PCYT1B: variants seen among roughly 807,000 people sequenced by gnomAD.
PCYT1B encodes phosphate cytidylyltransferase 1B, choline, also known as choline-phosphate cytidylyltransferase B.
Under a neutral mutation model 26.4 loss-of-function variants are expected in PCYT1B, and 10 were observed. The observed-to-expected ratio is 0.38, with a 90% CI of 0.23 to 0.64. The LOEUF is 0.64. Ranked by LOEUF, PCYT1B falls within the 30% of genes least tolerant of loss-of-function variation. The pLI is 0.56. For missense variants in PCYT1B, 161 were observed against 292.7 expected (o/e 0.55, Z 3.28); for synonymous variants, 131 against 108.4 (o/e 1.21, Z -1.29).
intron 7 of PCYT1B, among the ~76,000 whole-genome samples, chrX:24,564,362 G>T (rs1297429934): frequency 3.6e-5 from 3 of 83,073 alleles, no homozygotes; most frequent in Non-Finnish European, 7.5e-5. Context: ...TTGTTTTTTT[G>T]TTTTTTTGTT....
intron 1 of PCYT1B, among the ~76,000 whole-genome samples, chrX:24,634,143 T>C (rs1434044791): frequency 9.0e-6 from 1 of 111,438 alleles, no homozygotes; most frequent in Non-Finnish European, 1.9e-5. Context: ...GGTCTGGAAC[T>C]CCTAGGCTCA....
intron 1 of PCYT1B, among the ~76,000 whole-genome samples, chrX:24,629,578 A>C (rs1279248047): frequency 3.0e-5 from 3 of 100,016 alleles, no homozygotes; most frequent in East Asian, 3.0e-4. Context: ...AAAAAAAAAA[A>C]AAAAAAAAAA....
At chrX:24,616,531 G>A (rs919092078) in intron 2 of PCYT1B, among the ~76,000 whole-genome samples, 2 of 111,413 alleles carry the variant, frequency 1.8e-5, no homozygotes, top group African/African-American at 3.3e-5. Context: ...GAGCCACCAC[G>A]CCCGGTCAGC....
chrX:24,652,029 A>T (rs1021783801), upstream of PCYT1B, among the ~76,000 whole-genome samples: 1 of 111,551 alleles, frequency 9.0e-6, no homozygotes, highest in Non-Finnish European at 1.9e-5. Context: ...TAGCAGAGGC[A>T]GAGGAAACAT....
At chrX:24,615,415 C>G (rs747380340) in intron 2 of PCYT1B, among the ~76,000 whole-genome samples, 1 of 111,236 alleles carries the variant, frequency 9.0e-6, no homozygotes, top group African/African-American at 3.3e-5. Context: ...AATGCCAGAA[C>G]AAACTCTCTC....
intron 1 of PCYT1B, among the ~76,000 whole-genome samples, chrX:24,670,102 A>AAGAG (rs1927219763): frequency 1.3e-5 from 1 of 76,220 alleles, no homozygotes; most frequent in Non-Finnish European, 2.4e-5. Context: ...GAAAGAAAGA[A>AAGAG]AGAAAGAAAG....
chrX:24,579,910 C>T (rs1924152085), intron 5 of PCYT1B, among the ~76,000 whole-genome samples: 2 of 112,329 alleles, frequency 1.8e-5, no homozygotes, highest in Admixed American at 1.9e-4. Context: ...CATGGTGGCT[C>T]ATGCCTATAA....
chrX:24,665,827 G>C (rs1247720555), intron 1 of PCYT1B, among the ~76,000 whole-genome samples: 1 of 110,986 alleles, frequency 9.0e-6, no homozygotes, highest in Non-Finnish European at 1.9e-5. Context: ...AAAAATTTAT[G>C]AGGCAGGTAG....
rs1247884587 is a variant in PCYT1B, at chrX:24,593,030, C to A, written c.335-2856G>T. ...CCGGGTTCAAGCGATTCTCCTGCCT[C>A]AGCCTCCCAAGTAGACCCACCCTCT... On this transcript the variant is annotated intron_variant, in intron 3 of 7. Coordinates refer to ENST00000379144, the MANE Select transcript of PCYT1B (RefSeq NM_004845.5). Among the ~76,000 whole-genome samples, 3 of 111,792 alleles carry A rather than the reference C, an allele frequency of 2.7e-5. No individual in the cohort carries two copies. In the East Asian group the frequency reaches 8.5e-4, roughly 32 times the overall value.
chrX:24,638,657 C>T (rs1046943745), intron 1 of PCYT1B, among the ~76,000 whole-genome samples: 1 of 111,335 alleles, frequency 9.0e-6, no homozygotes, highest in African/African-American at 3.3e-5. Flanking sequence ...ATTTCCCTAA[C>T]AGTCACTGAG....
At position 24,561,509 on chromosome X, in the gene PCYT1B, C is replaced by CT. The variant is rs1219964560; in HGVS notation, c.*783dup. 1.8e-5 allele frequency: 2 copies of CT among 112,471 alleles called. No individual in the cohort carries two copies. Among genetic ancestry groups the CT allele is most frequent in the Non-Finnish European group, 3.7e-5 (2 of 53,354 alleles). 9.3% of individuals were successfully genotyped at this position (112,471 alleles called of 1,213,427 possible). ...CTGGAGGCAAAGCAAAGCAGCTCCT[C>CT]TTTTTTATATATTAGGAAGTTTTTC... On this transcript the variant is annotated 3_prime_UTR_variant, in exon 8 of 8. Transcript: ENST00000379144.
Position 24,670,088 on chromosome X carries a change from GAAA to G in PCYT1B, c.63+2479_63+2481del, listed in dbSNP as rs1389206588. Among the ~76,000 whole-genome samples, 185 of 89,189 alleles carry G rather than the reference GAAA, an allele frequency of 2.1e-3. 1 individual carries two copies. Among genetic ancestry groups the G allele is most frequent in the African/African-American group, 4.9e-3 (121 of 24,456 alleles). The allele number at this position is 89,189 out of a possible 115,157, so 77.4% of individuals were successfully genotyped here. ...AGAAAGAAAGAAAGAAAGAAAGAAA[GAAA>G]GAAAGAAAGAAAGAAAGAAAGAAAG... is the stretch of plus-strand genomic sequence containing the variant. On this transcript the variant is annotated intron_variant, in intron 1 of 7. Coordinates refer to the PCYT1B transcript ENST00000379145.
At chrX:24,564,995 T>A (rs1425564067) in intron 7 of PCYT1B, among the ~76,000 whole-genome samples, 1 of 109,937 alleles carries the variant, frequency 9.1e-6, no homozygotes, top group South Asian at 4.1e-4. Context: ...TGGGGAAGAC[T>A]GTGGGGTGGG....
At chrX:24,668,160 T>C (rs1569261391) in intron 1 of PCYT1B, among the ~76,000 whole-genome samples, 1 of 112,359 alleles carries the variant, frequency 8.9e-6, no homozygotes, top group Admixed American at 9.5e-5. Flanking sequence ...ACCTGGAACA[T>C]GTGCCCCACA....
chrX:24,615,902 G>A (rs1442785389), intron 2 of PCYT1B, among the ~76,000 whole-genome samples: 1 of 111,749 alleles, frequency 8.9e-6, no homozygotes, highest in Non-Finnish European at 1.9e-5. Context: ...TCATAAGGCA[G>A]ATCGTTGCAG....
intron 1 of PCYT1B, chrX:24,632,748 A>G (rs762876385): frequency 3.6e-5 from 4 of 112,052 alleles, no homozygotes; most frequent in Non-Finnish European, 7.5e-5. Flanking sequence ...AGATACCACT[A>G]TCATTGAGAT....
rs1376474781 is a variant in PCYT1B at position 24,619,034 on chromosome X, T to C, written c.168A>G (p.Gln56=). ...CAATGGTCAGTTTTTCATGGGGTGC[T>C]TGACACTGGCAGTTGGTTTCATCAG... The part of the protein sequence containing the change: ...PFADETNCQC[Q]APHEKLTIAQ... Residue 56 remains glutamine, a synonymous_variant, in exon 2 of 8, where the codon CAA becomes CAG. Transcript: ENST00000379144. 2 of 1,190,815 alleles carry C rather than the reference T, an allele frequency of 1.7e-6. No homozygotes were observed. The highest frequency in any genetic ancestry group is 2.3e-6 in the Non-Finnish European group (2 of 882,657).
At chrX:24,580,593 T>C (rs778363912) in intron 5 of PCYT1B, among the ~76,000 whole-genome samples, 11 of 112,071 alleles carry the variant, frequency 9.8e-5, no homozygotes, top group African/African-American at 3.2e-4. Context: ...CAAGTTCTAA[T>C]AGAACTTCCT....
intron 1 of PCYT1B, among the ~76,000 whole-genome samples, chrX:24,644,888 C>T (rs1018503801): frequency 9.0e-6 from 1 of 111,438 alleles, no homozygotes; most frequent in African/African-American, 3.3e-5. Context: ...GGCAAAACCC[C>T]GTCTCTACCA....
Sources: allele counts gnomAD v4.1 joint callset (sites outside exome capture counted in the v4.1 genomes callset), GRCh38; gene constraint gnomAD v4.1.1; transcripts MANE v1.5; gene names NCBI Gene and HGNC (gene_info 2026-07-23, HGNC 2026-07-21).